Variants in JAZF1 observed in about 807,000 individuals in gnomAD.
JAZF1 encodes the protein JAZF zinc finger 1, also known as juxtaposed with another zinc finger protein 1.
JAZF1 carries 8 observed loss-of-function variants against 26.4 expected under a neutral mutation model. That is an observed-to-expected ratio of 0.30 (90% CI 0.18 to 0.55). JAZF1 has a LOEUF of 0.55. JAZF1 is among the 20% of genes least tolerant of loss of function. The probability of loss-of-function intolerance (pLI) is 0.94; values close to 1 mark genes in which losing one functional copy is unlikely to be tolerated. For missense variants in JAZF1, 199 were observed against 322.0 expected (o/e 0.62, Z 2.92); for synonymous variants, 126 against 122.3 (o/e 1.03, Z -0.20).
chr7:28,145,755 C>T (rs1174146464), intron 1 of JAZF1, among the ~76,000 whole-genome samples: 8 of 151,964 alleles, frequency 5.3e-5, no homozygotes, highest in East Asian at 1.9e-4. Flanking sequence ...ACCCCAATAA[C>T]GTTCCCTTGT....
At chr7:27,979,464 C>G (rs971014654) in intron 2 of JAZF1, among the ~76,000 whole-genome samples, 3 of 129,626 alleles carry the variant, frequency 2.3e-5, no homozygotes, top group African/African-American at 8.5e-5. Context: ...TCATAGCTAA[C>G]TGTAGCCTTG....
intron 2 of JAZF1, among the ~76,000 whole-genome samples, chr7:27,904,146 A>G (rs1300836603): frequency 3.3e-5 from 5 of 152,222 alleles, no homozygotes; most frequent in African/African-American, 1.2e-4. Context: ...ACCAGTAAGT[A>G]AGCAAAACAG....
chr7:28,162,436 C>T (rs1289383795), intron 1 of JAZF1, among the ~76,000 whole-genome samples: 1 of 152,220 alleles, frequency 6.6e-6, no homozygotes, highest in Admixed American at 6.5e-5. Context: ...GAAAGAGAGA[C>T]AAACTTCTTG....
At chr7:28,164,574 G>A (rs1170635565) in intron 1 of JAZF1, among the ~76,000 whole-genome samples, 2 of 152,152 alleles carry the variant, frequency 1.3e-5, no homozygotes, top group African/African-American at 4.8e-5. Flanking sequence ...ACATGCAGAT[G>A]TGAAAGAAAA....
At chr7:27,930,035 G>A (rs776581270) in intron 2 of JAZF1, among the ~76,000 whole-genome samples, 25 of 145,576 alleles carry the variant, frequency 1.7e-4, no homozygotes, top group Middle Eastern at 3.6e-3. Flanking sequence ...TTGCTCTGTC[G>A]CCCAGGCTGG....
At chr7:28,042,111 A>G (rs1471797877) in intron 1 of JAZF1, among the ~76,000 whole-genome samples, 2 of 152,258 alleles carry the variant, frequency 1.3e-5, no homozygotes, top group Non-Finnish European at 2.9e-5. Context: ...GAAAGCACAC[A>G]GGATAGGTTT....
rs554654926 is a variant in JAZF1, at chr7:27,987,188, G to A, written c.188+4721C>T. ...AAGTGAGGAGCGCCTCTTCCCGGCC[G>A]CCATCCCATCTAGGAGGTGAGGAGC... is the stretch of plus-strand genomic sequence containing the variant. On this transcript the variant is annotated intron_variant, in intron 2 of 4. Transcript: ENST00000283928. 3.4e-3 allele frequency among the ~76,000 whole-genome samples: 518 copies of A among 152,016 alleles called. 5 individuals carry two copies. The highest frequency in any genetic ancestry group is 0.011 in the African/African-American group (473 of 41,462).
At chr7:28,131,830 C>G (rs1288977834) in intron 1 of JAZF1, among the ~76,000 whole-genome samples, 1 of 152,124 alleles carries the variant, frequency 6.6e-6, no homozygotes, top group Non-Finnish European at 1.5e-5. Flanking sequence ...AAAGTTTCTT[C>G]TGCTATGGGA....
At chr7:28,179,037 C>T (rs1783590381) in intron 1 of JAZF1, among the ~76,000 whole-genome samples, 1 of 152,226 alleles carries the variant, frequency 6.6e-6, no homozygotes, top group Non-Finnish European at 1.5e-5. Flanking sequence ...GGTTCTGCCT[C>T]ATTTTATTCC....
intron 2 of JAZF1, among the ~76,000 whole-genome samples, chr7:27,900,368 A>G (rs1784145501): frequency 6.6e-6 from 1 of 152,252 alleles, no homozygotes; most frequent in Non-Finnish European, 1.5e-5. Context: ...ATTGAATTTT[A>G]ATATTATCTA....
chr7:27,859,183 C>A (rs1783329947), intron 3 of JAZF1, among the ~76,000 whole-genome samples: 2 of 152,228 alleles, frequency 1.3e-5, no homozygotes, highest in Non-Finnish European at 1.5e-5. Context: ...GATACCATCT[C>A]ACTCCAGTTA....
chr7:28,175,044 C>T lies in JAZF1; in HGVS notation c.115+5419G>A, dbSNP rs1783528833. 1.3e-5 allele frequency among the ~76,000 whole-genome samples: 2 copies of T among 152,002 alleles called. 1 individual carries two copies. The highest frequency in any genetic ancestry group is 2.9e-5 in the Non-Finnish European group (2 of 67,974). Reference sequence around the variant, plus strand: ...AGGAAGTGTCCTCAATGGAATGCACCCACAGGCCCAAGGCACAGTGCCTCT... The same window carrying T: ...AGGAAGTGTCCTCAATGGAATGCACTCACAGGCCCAAGGCACAGTGCCTCT... On this transcript the variant is annotated intron_variant, in intron 1 of 4. Coordinates refer to ENST00000283928, the MANE Select transcript of JAZF1 (RefSeq NM_175061.4).
chr7:27,867,237 T>C (rs1474185282), intron 3 of JAZF1, among the ~76,000 whole-genome samples: 1 of 152,106 alleles, frequency 6.6e-6, no homozygotes, highest in East Asian at 1.9e-4. Context: ...GTTGCAATGA[T>C]CAAGATGAGA....
chr7:27,900,148 T>C (rs754390936), intron 2 of JAZF1, among the ~76,000 whole-genome samples: 1 of 152,222 alleles, frequency 6.6e-6, no homozygotes, highest in Non-Finnish European at 1.5e-5. Context: ...GAATTCTCTC[T>C]GCTTTGCAAT....
chr7:28,071,296 A>G (rs1233012665), intron 1 of JAZF1, among the ~76,000 whole-genome samples: 2 of 152,084 alleles, frequency 1.3e-5, no homozygotes, highest in African/African-American at 4.8e-5. Flanking sequence ...ATCACAGCAT[A>G]CTCTTCCACT....
At chr7:27,929,936 TTCTC>T (rs112011020) in intron 2 of JAZF1, among the ~76,000 whole-genome samples, 312 of 144,762 alleles carry the variant, frequency 2.2e-3, no homozygotes, top group Non-Finnish European at 2.0e-3. Flanking sequence ...ATTTTCTGCA[TTCTC>T]TCTCTCTCTC....
chr7:27,911,348 C>T (rs1437645270), intron 2 of JAZF1, among the ~76,000 whole-genome samples: 1 of 152,116 alleles, frequency 6.6e-6, no homozygotes, highest in African/African-American at 2.4e-5. Flanking sequence ...CTCATAACAG[C>T]TTGCAAGGGG....
At chr7:28,077,842 G>A (rs1422895948) in intron 1 of JAZF1, among the ~76,000 whole-genome samples, 3 of 152,094 alleles carry the variant, frequency 2.0e-5, no homozygotes, top group African/African-American at 4.8e-5. Flanking sequence ...GAATTTCCAC[G>A]TTCACCATGG....
At chr7:28,103,648 T>C (rs1784507532) in intron 1 of JAZF1, among the ~76,000 whole-genome samples, 2 of 152,150 alleles carry the variant, frequency 1.3e-5, no homozygotes, top group Non-Finnish European at 2.9e-5. Flanking sequence ...GGAGTCATCC[T>C]TGGTTTCTTT....
Sources: gnomAD v4.1 joint callset for allele counts (sites outside exome capture counted in the v4.1 genomes callset) on GRCh38, gnomAD v4.1.1 for gene constraint, MANE v1.5 for transcripts, NCBI Gene and HGNC (gene_info 2026-07-23, HGNC 2026-07-21) for gene names.